TMEFF2: variants seen among roughly 807,000 people sequenced by gnomAD.
The protein encoded by TMEFF2 is tomoregulin-2.
TMEFF2 carries 28 observed loss-of-function variants against 53.8 expected under a neutral mutation model. The ratio of observed to expected loss-of-function variants is 0.52; its 90% CI spans 0.39 to 0.71. The LOEUF (loss-of-function observed/expected upper bound fraction) is 0.71. TMEFF2 is among the 30% of genes least tolerant of loss of function. TMEFF2 has a pLI of 0.00. For missense variants in TMEFF2, 353 were observed against 455.2 expected (o/e 0.78, Z 2.04); for synonymous variants, 162 against 166.3 (o/e 0.97, Z 0.20).
chr2:192,014,806 G>A (rs1055283560), intron 5 of TMEFF2, among the ~76,000 whole-genome samples: 1 of 152,092 alleles, frequency 6.6e-6, no homozygotes, highest in African/African-American at 2.4e-5. Context: ...CAAAAGTTTA[G>A]GTAGAACAAG....
intron 9 of TMEFF2, among the ~76,000 whole-genome samples, chr2:191,953,305 A>T (rs1489322114): frequency 6.6e-6 from 1 of 152,168 alleles, no homozygotes; most frequent in Non-Finnish European, 1.5e-5. Flanking sequence ...AACTACTTGT[A>T]TTTTTGCATT....
chr2:191,992,397 A>G (rs896483674), intron 7 of TMEFF2, among the ~76,000 whole-genome samples: 1 of 152,074 alleles, frequency 6.6e-6, no homozygotes, highest in African/African-American at 2.4e-5. Flanking sequence ...TTTGATATCC[A>G]TGCCTAAATA....
intron 4 of TMEFF2, among the ~76,000 whole-genome samples, chr2:192,065,694 T>C (rs929599567): frequency 6.6e-6 from 1 of 151,782 alleles, no homozygotes; most frequent in African/African-American, 2.4e-5. Context: ...GCATTTAATA[T>C]ATCTGTTGTA....
intron 4 of TMEFF2, among the ~76,000 whole-genome samples, chr2:192,168,298 C>T (rs966344733): frequency 1.6e-4 from 24 of 151,982 alleles, no homozygotes; most frequent in Non-Finnish European, 8.8e-5. Flanking sequence ...ATCATTATAA[C>T]TCCTTGAATA....
At chr2:192,089,894 T>C (rs1688752633) in intron 4 of TMEFF2, among the ~76,000 whole-genome samples, 1 of 152,164 alleles carries the variant, frequency 6.6e-6, no homozygotes, top group Admixed American at 6.6e-5. Flanking sequence ...AGAAATGGTC[T>C]TATCTGTTCC....
At chr2:191,961,912 T>TAGATGAGA (rs1348418042) in intron 7 of TMEFF2, among the ~76,000 whole-genome samples, 1 of 152,190 alleles carries the variant, frequency 6.6e-6, no homozygotes, top group African/African-American at 2.4e-5. Context: ...CATATACGAG[T>TAGATGAGA]AGATGAGAAG....
intron 4 of TMEFF2, among the ~76,000 whole-genome samples, chr2:192,061,631 G>C (rs1247559656): frequency 6.6e-6 from 1 of 152,114 alleles, no homozygotes; most frequent in East Asian, 1.9e-4. Context: ...AAGGGTACCT[G>C]ATATGGTTTG....
intron 7 of TMEFF2, among the ~76,000 whole-genome samples, chr2:191,987,515 T>TATCA (rs1172561201): frequency 2.0e-5 from 3 of 152,080 alleles, no homozygotes; most frequent in Admixed American, 2.0e-4. Flanking sequence ...CAAGCTATCC[T>TATCA]ATCACTTTAG....
chr2:192,164,009 T>C (rs1455393628), intron 4 of TMEFF2, among the ~76,000 whole-genome samples: 2 of 152,208 alleles, frequency 1.3e-5, no homozygotes, highest in African/African-American at 2.4e-5. Context: ...GGATCCTCTT[T>C]GCCTGCTCCA....
intron 5 of TMEFF2, among the ~76,000 whole-genome samples, chr2:192,055,211 C>CT: frequency 6.6e-6 from 1 of 152,252 alleles, no homozygotes; most frequent in Non-Finnish European, 1.5e-5. Context: ...GATCTTATGA[C>CT]TACAGAAGAG....
At chr2:192,141,566 G>T (rs536350232) in intron 4 of TMEFF2, among the ~76,000 whole-genome samples, 25 of 152,084 alleles carry the variant, frequency 1.6e-4, no homozygotes, top group African/African-American at 6.0e-4. Flanking sequence ...AGGTAGATGG[G>T]AACATTGTTA....
Position 191,949,993 on chromosome 2 carries a change from A to G in TMEFF2, c.*318T>C. ...GTCTGATTATATTTACAGTTATGAG[A>G]TACCGCAAATTTAAGAATGCCAATT... On this transcript the variant is annotated 3_prime_UTR_variant, in exon 10 of 10. Transcript: ENST00000272771. 9.0e-7 allele frequency: 1 copy of G among 1,108,398 alleles called. No homozygotes were observed. Among genetic ancestry groups the G allele is most frequent in the Non-Finnish European group, 1.1e-6 (1 of 904,588 alleles). 68.7% of individuals were successfully genotyped at this position (1,108,398 alleles called of 1,614,324 possible).
chr2:192,131,654 GTC>G lies in TMEFF2; in HGVS notation c.439+48012_439+48013del, dbSNP rs555807852. On this transcript the variant is annotated intron_variant, in intron 4 of 9. Coordinates refer to ENST00000272771, the MANE Select transcript of TMEFF2 (RefSeq NM_016192.4). ...CAAGAAACCCCCATCCCTTCTCCGT[GTC>G]TCTACTCTTTTCCCTGGGCTTGCCT... is the stretch of plus-strand genomic sequence containing the variant. Among the ~76,000 whole-genome samples, 39 of 152,096 alleles carry G rather than the reference GTC, an allele frequency of 2.6e-4. 2 individuals carry two copies. The East Asian group carries it at 7.6e-3, about 30-fold the overall frequency.
chr2:191,980,397 G>A (rs1421902532), intron 7 of TMEFF2, among the ~76,000 whole-genome samples: 1 of 152,074 alleles, frequency 6.6e-6, no homozygotes, highest in East Asian at 1.9e-4. Flanking sequence ...AGGCCCCAGT[G>A]TACAGAAAAA....
At chr2:192,155,120 T>C (rs1405742933) in intron 4 of TMEFF2, among the ~76,000 whole-genome samples, 2 of 151,998 alleles carry the variant, frequency 1.3e-5, no homozygotes, top group Admixed American at 6.6e-5. Flanking sequence ...TACAATTTTC[T>C]TGTTTTCCAA....
intron 7 of TMEFF2, among the ~76,000 whole-genome samples, chr2:191,971,707 T>C (rs1351057109): frequency 9.9e-5 from 15 of 152,176 alleles, no homozygotes; most frequent in Non-Finnish European, 2.1e-4. Context: ...ATGGTTTCCT[T>C]CTATGTGTTA....
Position 191,949,522 on chromosome 2 carries a change from C to T in TMEFF2, c.*789G>A. On this transcript the variant is annotated 3_prime_UTR_variant, in exon 10 of 10. Coordinates refer to ENST00000272771, the MANE Select transcript of TMEFF2 (RefSeq NM_016192.4). ...TTACATTTTTCCCCTGGTAATTCCA[C>T]CCACCTAAATGGAATATATTTTGCC... 1 of 985,362 alleles carries T rather than the reference C, an allele frequency of 1.0e-6. No individual in the cohort carries two copies. The highest frequency in any genetic ancestry group is 1.2e-6 in the Non-Finnish European group (1 of 829,912). 61.0% of individuals were successfully genotyped at this position (985,362 alleles called of 1,614,324 possible).
intron 4 of TMEFF2, among the ~76,000 whole-genome samples, chr2:192,142,633 G>A (rs1163695942): frequency 6.6e-6 from 1 of 152,104 alleles, no homozygotes; most frequent in Non-Finnish European, 1.5e-5. Context: ...ATAAAGAAGT[G>A]TTAACTAAAA....
At chr2:192,113,439 G>A (rs1311991092) in intron 4 of TMEFF2, among the ~76,000 whole-genome samples, 1 of 152,054 alleles carries the variant, frequency 6.6e-6, no homozygotes, top group Non-Finnish European at 1.5e-5. Context: ...TTTCATGAAT[G>A]AACACTGGTC....
Sources: allele counts gnomAD v4.1 joint callset (sites outside exome capture counted in the v4.1 genomes callset), GRCh38; gene constraint gnomAD v4.1.1; transcripts MANE v1.5; gene names NCBI Gene and HGNC (gene_info 2026-07-23, HGNC 2026-07-21).